The following IL1RN variants were observed in gnomAD, a reference collection of about 807,000 sequenced individuals.
IL1RN encodes the protein interleukin-1 receptor antagonist protein.
In IL1RN, 10 loss-of-function variants were observed where a neutral mutation model predicts 13.7. That is an observed-to-expected ratio of 0.73 (90% CI 0.45 to 1.24). IL1RN has a LOEUF of 1.24. Ranked by LOEUF, IL1RN falls within the 50% of genes most tolerant of loss-of-function variation. IL1RN has a pLI of 0.00. For missense variants in IL1RN, 213 were observed against 222.1 expected, an observed-to-expected ratio of 0.96 and a Z score of 0.26; for synonymous variants, 102 against 82.7, an observed-to-expected ratio of 1.23 and a Z score of -1.27.
Position 113,133,225 on chromosome 2 carries a change from A to G in IL1RN, c.*354A>G, listed in dbSNP as rs998432673. ...CTCATTCCACCTTCCCATGCCCTGG[A>G]TCCATCAGGCCACTTGATGACCCCC... is the stretch of plus-strand genomic sequence containing the variant. On this transcript the variant is annotated 3_prime_UTR_variant, in exon 4 of 4. Transcript: ENST00000409930. 2.6e-6 allele frequency: 1 copy of G among 389,192 alleles called. No homozygotes were observed. Among genetic ancestry groups the G allele is most frequent in the African/African-American group, 2.1e-5 (1 of 48,246 alleles). The allele number at this position is 389,192 out of a possible 1,614,324, so 24.1% of individuals were successfully genotyped here.
At chr2:113,117,036 T>G (rs1227711578), upstream of IL1RN, among the ~76,000 whole-genome samples, 1 of 152,156 alleles carries the variant, frequency 6.6e-6, no homozygotes, top group Non-Finnish European at 1.5e-5. Context: ...CCCCATCAAC[T>G]TGGATGGCTT....
At chr2:113,099,903 T>G in the IL1RN span, among the ~76,000 whole-genome samples, 2 of 144,958 alleles carry the variant, frequency 1.4e-5, no homozygotes, top group African/African-American at 2.5e-5. Flanking sequence ...CCCGGCTAAT[T>G]TTTTGTATTT....
chr2:113,102,956 G>A (rs897667601), upstream of IL1RN, among the ~76,000 whole-genome samples: 1 of 152,240 alleles, frequency 6.6e-6, no homozygotes, highest in East Asian at 1.9e-4. Context: ...TCAGAGGCCT[G>A]ACAAGGCACA....
In IL1RN at chr2:113,131,176, T is replaced by G. The variant is rs4252017; in HGVS notation, c.318+19T>G. On this transcript the variant is annotated intron_variant, in intron 3 of 3. Coordinates refer to ENST00000409930, the MANE Select transcript of IL1RN (RefSeq NM_173842.3). ...GCTGGAGGTAAAAACATGCTTTGGA[T>G]CTCAAATCACCCCAAAACCCAGTGG... 2.2e-4 allele frequency: 327 copies of G among 1,504,364 alleles called. 3 individuals are homozygous for G. In the African/African-American group the frequency reaches 4.1e-3, roughly 19 times the overall value. The allele number at this position is 1,504,364 out of a possible 1,614,324, so 93.2% of individuals were successfully genotyped here.
In IL1RN at chr2:113,133,203, A is replaced by C; in HGVS notation, c.*332A>C. On this transcript the variant is annotated 3_prime_UTR_variant, in exon 4 of 4. Coordinates refer to ENST00000409930, the MANE Select transcript of IL1RN (RefSeq NM_173842.3). ...TCTTGCCACTGCCTCTTCCTCCCTC[A>C]TTCCACCTTCCCATGCCCTGGATCC... is the stretch of plus-strand genomic sequence containing the variant. The C allele has an allele frequency of 2.4e-6, 1 of 416,584 alleles. No individual in the cohort carries two copies. Among genetic ancestry groups the C allele is most frequent in the African/African-American group, 2.0e-5 (1 of 49,118 alleles). 25.8% of individuals were successfully genotyped at this position (416,584 alleles called of 1,614,324 possible).
At chr2:113,118,296 G>C (rs1249224320) in intron 1 of IL1RN, among the ~76,000 whole-genome samples, 1 of 152,210 alleles carries the variant, frequency 6.6e-6, no homozygotes, top group Non-Finnish European at 1.5e-5. Context: ...CAGAAGTCAT[G>C]GAGTCCTTGG....
upstream of IL1RN, among the ~76,000 whole-genome samples, chr2:113,108,792 C>T (rs315927): frequency 0.6 from 91,564 of 151,818 alleles, 28,378 homozygotes; most frequent in Non-Finnish European, 0.69. Flanking sequence ...AAAAATAAGT[C>T]GAAATGTGGG....
chr2:113,116,439 G>C (rs999653132), upstream of IL1RN, among the ~76,000 whole-genome samples: 5 of 150,300 alleles, frequency 3.3e-5, no homozygotes, highest in Admixed American at 6.6e-5. Context: ...AGGCGGAAGA[G>C]AACAGGAAGT....
At chr2:113,106,426 T>C (rs1686389230), upstream of IL1RN, among the ~76,000 whole-genome samples, 1 of 152,226 alleles carries the variant, frequency 6.6e-6, no homozygotes, top group Non-Finnish European at 1.5e-5. Flanking sequence ...AAAATTTAAA[T>C]GGGTTGATAG....
Position 113,133,129 on chromosome 2 carries a change from G to T in IL1RN, c.*258G>T. 1.8e-6 allele frequency: 1 copy of T among 548,076 alleles called. No homozygotes were observed. Among genetic ancestry groups the T allele is most frequent in the Non-Finnish European group, 3.3e-6 (1 of 302,876 alleles). 34.0% of individuals were successfully genotyped at this position (548,076 alleles called of 1,614,324 possible). On this transcript the variant is annotated 3_prime_UTR_variant, in exon 4 of 4. Transcript: ENST00000409930. Reference sequence around the variant, plus strand: ...CCCCTGCACAAAGCCCTTCCATGTCGCCTCTGCATTCAGGATCAAACCCCG... The same window carrying T: ...CCCCTGCACAAAGCCCTTCCATGTCTCCTCTGCATTCAGGATCAAACCCCG...
At chr2:113,127,373 G>C (rs573404875), upstream of IL1RN, 794 of 772,624 alleles carry the variant, frequency 1.0e-3, 2 homozygotes, top group South Asian at 7.3e-3. Flanking sequence ...AGGGGAAATA[G>C]AAATCTTAAT....
chr2:113,130,829 A>G (rs1687140600), intron 2 of IL1RN, among the ~76,000 whole-genome samples: 1 of 151,006 alleles, frequency 6.6e-6, no homozygotes, highest in Middle Eastern at 3.4e-3. Context: ...ACATGGAACA[A>G]CATCCAGGAG....
chr2:113,113,581 C>CAAT (rs55663133), upstream of IL1RN, among the ~76,000 whole-genome samples: 48,262 of 151,356 alleles, frequency 0.32, 8,357 homozygotes, highest in Middle Eastern at 0.48. Context: ...ATGTTCTTAC[C>CAAT]AATAATAATA....
chr2:113,119,947 G>A (rs1296876157), intron 1 of IL1RN: 57 of 808,866 alleles, frequency 7.0e-5, no homozygotes, highest in Non-Finnish European at 1.2e-4. Context: ...TGAGAACAGA[G>A]GGTAAAGGAT....
At chr2:113,130,624 A>T (rs1257319261) in intron 2 of IL1RN, among the ~76,000 whole-genome samples, 1 of 63,958 alleles carries the variant, frequency 1.6e-5, no homozygotes, top group East Asian at 4.8e-4. Context: ...CATCCTGGGG[A>T]AAGTGAGGGA....
At position 113,132,863 on chromosome 2, in the gene IL1RN, G is replaced by A. The variant is rs1191497599; in HGVS notation, c.526G>A (p.Asp176Asn). 1.2e-6 allele frequency: 2 copies of A among 1,614,128 alleles called. No homozygotes were observed. Among genetic ancestry groups the A allele is most frequent in the Admixed American group, 3.3e-5 (2 of 60,036 alleles). The part of the protein sequence containing the change: ...VMVTKFYFQE[D>N]E Reference sequence around the variant, plus strand: ...GGTCACCAAATTCTACTTCCAGGAGGACGAGTAGTACTGCCCAGGCCTGCC... The same window carrying A: ...GGTCACCAAATTCTACTTCCAGGAGAACGAGTAGTACTGCCCAGGCCTGCC... Residue 176 changes from aspartate (D) to asparagine (N), a missense_variant, in exon 4 of 4, where the codon GAC becomes AAC. Transcript: ENST00000409930.
the IL1RN span, among the ~76,000 whole-genome samples, chr2:113,101,190 A>G: frequency 1.3e-5 from 2 of 152,172 alleles, no homozygotes; most frequent in Admixed American, 1.3e-4. Context: ...CCATCTCCAG[A>G]CTGATAAGAG....
upstream of IL1RN, chr2:113,107,150 G>A (rs1199610642): frequency 1.3e-5 from 2 of 152,206 alleles, no homozygotes; most frequent in African/African-American, 2.4e-5. Context: ...TAGAGAGAGT[G>A]CACCAATATT....
chr2:113,103,630 A>G (rs1686346462), upstream of IL1RN, among the ~76,000 whole-genome samples: 1 of 152,212 alleles, frequency 6.6e-6, no homozygotes, highest in Admixed American at 6.5e-5. Context: ...TGCCCTATAG[A>G]ACTGTAAGAG....
Sources: gnomAD v4.1 joint callset for allele counts (sites outside exome capture counted in the v4.1 genomes callset) on GRCh38, gnomAD v4.1.1 for gene constraint, MANE v1.5 for transcripts, NCBI Gene and HGNC (gene_info 2026-07-23, HGNC 2026-07-21) for gene names.